AMZ1: variants seen among roughly 807,000 people sequenced by gnomAD.
AMZ1 encodes the protein archaemetzincin-1.
Under a neutral mutation model 29.9 loss-of-function variants are expected in AMZ1, and 39 were observed. That is an observed-to-expected ratio of 1.30 (90% CI 1.01 to 1.70). The LOEUF is 1.70. Ranked by LOEUF, AMZ1 falls within the 40% of genes most tolerant of loss-of-function variation. The probability of loss-of-function intolerance (pLI) is 0.00; values close to 1 mark genes in which losing one functional copy is unlikely to be tolerated. For missense variants in AMZ1, 1,041 were observed against 680.6 expected, an observed-to-expected ratio of 1.53 and a Z score of -5.89; for synonymous variants, 458 against 304.0, an observed-to-expected ratio of 1.51 and a Z score of -5.27.
chr7:2,696,474 G>C (rs112571790), intron 1 of AMZ1, among the ~76,000 whole-genome samples: 19,021 of 150,642 alleles, frequency 0.13, 1,433 homozygotes, highest in East Asian at 0.35. Context: ...AGCCAGGATG[G>C]TCTCGATCTC....
Position 2,712,944 on chromosome 7 carries a change from G to A in AMZ1, c.*66G>A. 1 of 1,447,350 alleles carries A rather than the reference G, an allele frequency of 6.9e-7. No individual in the cohort carries two copies. The highest frequency in any genetic ancestry group is 2.6e-5 in the Admixed American group (1 of 38,118). The allele number at this position is 1,447,350 out of a possible 1,614,324, so 89.7% of individuals were successfully genotyped here. On this transcript the variant is annotated 3_prime_UTR_variant, in exon 7 of 7. Coordinates refer to ENST00000683327, the MANE Select transcript of AMZ1 (RefSeq NM_001384743.1). ...TGGCCAGCACTGTCCAGTAGCTGAG[G>A]CCACTACTGACCTGCCAGGGATAAA...
At position 2,710,179 on chromosome 7, in the gene AMZ1, G is replaced by A. The variant is rs552941651; in HGVS notation, c.948+363G>A. 1.2e-3 allele frequency among the ~76,000 whole-genome samples: 187 copies of A among 150,694 alleles called. 1 individual carries two copies. Among genetic ancestry groups the A allele is most frequent in the Admixed American group, 0.011 (169 of 15,262 alleles). On this transcript the variant is annotated intron_variant, in intron 6 of 6. Coordinates refer to ENST00000683327, the MANE Select transcript of AMZ1 (RefSeq NM_001384743.1). ...TTGCTTTCCCGTCACCCACACTTGG[G>A]TCACTGCTGCTCAGAGGAGGCACAG...
chr7:2,698,833 C>A (rs964083040), intron 1 of AMZ1, among the ~76,000 whole-genome samples: 23 of 152,174 alleles, frequency 1.5e-4, no homozygotes, highest in African/African-American at 4.6e-4. Flanking sequence ...GAGACCCTAT[C>A]TCTAAAAAAG....
chr7:2,757,726 A>C (rs1791370426), intron 4 of AMZ1, among the ~76,000 whole-genome samples: 1 of 152,206 alleles, frequency 6.6e-6, no homozygotes, highest in Non-Finnish European at 1.5e-5. Context: ...TCTTAGGGCA[A>C]AATAACCATG....
At chr7:2,763,192 A>ACACT, upstream of AMZ1, 1 of 33,144 alleles carries the variant, frequency 3.0e-5, no homozygotes, top group Non-Finnish European at 4.7e-5. Context: ...AGACACCCCA[A>ACACT]CACACACACA....
intron 4 of AMZ1, chr7:2,733,359 A>C: frequency 9.8e-7 from 1 of 1,023,638 alleles, no homozygotes; most frequent in Non-Finnish European, 1.5e-6. Flanking sequence ...CTGTCAGTCC[A>C]GCCAAAGTCC....
At chr7:2,708,800 CT>C (rs1340087778) in intron 4 of AMZ1, 84 bp downstream of exon 4, 13 of 1,593,112 alleles carry the variant, frequency 8.2e-6, no homozygotes, top group Middle Eastern at 2.2e-4. Context: ...ACCCTCTTTG[CT>C]TTTGCTTCAA....
intron 4 of AMZ1, among the ~76,000 whole-genome samples, chr7:2,736,070 GTCT>G (rs1249042710): frequency 6.6e-6 from 1 of 152,148 alleles, no homozygotes; most frequent in Non-Finnish European, 1.5e-5. Context: ...GACTCCTCAA[GTCT>G]TACAGCAGCA....
intron 1 of AMZ1, among the ~76,000 whole-genome samples, chr7:2,689,085 CTG>C (rs1054003203): frequency 6.6e-6 from 1 of 152,242 alleles, no homozygotes; most frequent in Non-Finnish European, 1.5e-5. Flanking sequence ...CGAATGGAAA[CTG>C]AGAGGTGAGA....
chr7:2,700,585 C>A lies in AMZ1; in HGVS notation c.134C>A (p.Ala45Asp). ...AFSPAERLFL[A>D]EAYNPQRTLF... The stretch of plus-strand genomic sequence containing the variant: ...TCCCCTGCCGAGCGGCTCTTCCTGG[C>A]CGAGGCCTACAACCCGCAGAGGACG... The change falls in exon 2 of 7, where the codon GCC (alanine) becomes GAC (aspartate). Residue 45 changes from alanine to aspartate, a missense_variant. Coordinates refer to ENST00000683327, the MANE Select transcript of AMZ1 (RefSeq NM_001384743.1). The A allele has an allele frequency of 6.2e-7, 1 of 1,610,422 alleles. No individual in the cohort carries two copies. Among genetic ancestry groups the A allele is most frequent in the Non-Finnish European group, 8.5e-7 (1 of 1,179,976 alleles).
rs1788131334 is a variant in AMZ1 at position 2,702,789 on chromosome 7, C to T, written c.372C>T (p.Phe124=). The T allele has an allele frequency of 3.2e-6, 5 of 1,545,290 alleles. No individual in the cohort carries two copies. Among genetic ancestry groups the T allele is most frequent in the Non-Finnish European group, 4.4e-6 (5 of 1,148,178 alleles). Residue 124 remains phenylalanine (F), a synonymous_variant, in exon 3 of 7, where the codon TTC becomes TTT. Transcript: ENST00000683327. ...TGTGCAGCTGCACAGAGGCCTTCTTCCTGGGCCTGCGCGTCAAGTGCCTGC... is the reference window on the plus strand; with the variant it reads ...TGTGCAGCTGCACAGAGGCCTTCTTTCTGGGCCTGCGCGTCAAGTGCCTGC... ...HQLCSCTEAF[F]LGLRVKCLPS... is the part of the protein sequence containing the mutation.
intron 4 of AMZ1, among the ~76,000 whole-genome samples, chr7:2,725,363 G>A (rs565468789): frequency 6.6e-6 from 1 of 152,360 alleles, no homozygotes; most frequent in African/African-American, 2.4e-5. Context: ...GGGGAAGGGC[G>A]AAGGATGCTT....
upstream of AMZ1, chr7:2,762,326 G>T (rs531349259): frequency 3.1e-6 from 1 of 326,178 alleles, no homozygotes; most frequent in Non-Finnish European, 5.6e-6. Flanking sequence ...CAGGCGCTGC[G>T]CGACTGCTGC....
chr7:2,707,001 G>C (rs1377843007), intron 3 of AMZ1, among the ~76,000 whole-genome samples: 1 of 152,146 alleles, frequency 6.6e-6, no homozygotes, highest in East Asian at 1.9e-4. Flanking sequence ...AGGGCCAGCT[G>C]TGGTGGGTCA....
At chr7:2,691,003 T>C (rs10271567) in intron 1 of AMZ1, among the ~76,000 whole-genome samples, 31,125 of 151,276 alleles carry the variant, frequency 0.21, 4,646 homozygotes, top group East Asian at 0.4. Context: ...TAGCCTGGCA[T>C]GGTGGCATGC....
chr7:2,737,469 A>G (rs923926289), intron 4 of AMZ1, among the ~76,000 whole-genome samples: 16 of 151,686 alleles, frequency 1.1e-4, no homozygotes, highest in African/African-American at 3.9e-4. Flanking sequence ...TTGTATTTTT[A>G]GTAGAGACGG....
chr7:2,749,882 T>TA (rs1790944074), intron 4 of AMZ1, among the ~76,000 whole-genome samples: 1 of 152,070 alleles, frequency 6.6e-6, no homozygotes, highest in African/African-American at 2.4e-5. Context: ...AGAAAAAAGA[T>TA]AAAGAATGAG....
upstream of AMZ1, among the ~76,000 whole-genome samples, chr7:2,761,994 C>G (rs984485687): frequency 6.6e-6 from 1 of 152,212 alleles, no homozygotes; most frequent in African/African-American, 2.4e-5. Context: ...CTAACCTCAC[C>G]GAGGCCTCCC....
intron 1 of AMZ1, among the ~76,000 whole-genome samples, chr7:2,698,404 C>T (rs766330346): frequency 5.3e-5 from 8 of 151,238 alleles, no homozygotes; most frequent in East Asian, 2.0e-4. Flanking sequence ...CTAGCATGGT[C>T]GGGGGCACCT....
Sources: gnomAD v4.1 joint callset for allele counts (sites outside exome capture counted in the v4.1 genomes callset) on GRCh38, gnomAD v4.1.1 for gene constraint, MANE v1.5 for transcripts, NCBI Gene and HGNC (gene_info 2026-07-23, HGNC 2026-07-21) for gene names.